The following IQSEC1 variants were observed in gnomAD, a reference collection of about 807,000 sequenced individuals.
IQSEC1 encodes IQ motif and Sec7 domain ArfGEF 1.
Under a neutral mutation model 91.0 loss-of-function variants are expected in IQSEC1, and 31 were observed. That is an observed-to-expected ratio of 0.34 (90% CI 0.26 to 0.46). The LOEUF (loss-of-function observed/expected upper bound fraction) is 0.46, where lower values mean the gene tolerates loss of function less well. IQSEC1 is among the 20% of genes least tolerant of loss of function. IQSEC1 has a pLI of 1.00. For synonymous variants in IQSEC1, 699 were observed against 662.6 expected (o/e 1.05, Z -0.84); for missense variants, 1,388 against 1,575.6 (o/e 0.88, Z 2.02).
At chr3:12,958,099 C>T (rs547442851) in intron 1 of IQSEC1, among the ~76,000 whole-genome samples, 4 of 152,210 alleles carry the variant, frequency 2.6e-5, no homozygotes, top group African/African-American at 9.7e-5. Context: ...GTTCTTACCT[C>T]TGTGGGGCCA....
chr3:13,256,595 C>T (rs560167431), intron 1 of IQSEC1, among the ~76,000 whole-genome samples: 2 of 152,172 alleles, frequency 1.3e-5, no homozygotes, highest in Non-Finnish European at 2.9e-5. Context: ...GCTGACCTCA[C>T]CAACCCCAAA....
intron 1 of IQSEC1, among the ~76,000 whole-genome samples, chr3:13,272,376 ACATT>A (rs1245123505): frequency 2.0e-5 from 3 of 152,234 alleles, no homozygotes; most frequent in Non-Finnish European, 4.4e-5. Flanking sequence ...TAGGTGAGAG[ACATT>A]CATTCGTACA....
chr3:12,996,943 T>C (rs1170913462), intron 1 of IQSEC1, among the ~76,000 whole-genome samples: 1 of 152,202 alleles, frequency 6.6e-6, no homozygotes, highest in Non-Finnish European at 1.5e-5. Context: ...AAAAATGCTG[T>C]AGGGTGAGGT....
At chr3:13,275,368 C>A (rs555381264) in intron 1 of IQSEC1, among the ~76,000 whole-genome samples, 58 of 152,312 alleles carry the variant, frequency 3.8e-4, no homozygotes, top group Non-Finnish European at 7.6e-4. Context: ...AGGGCAGGGG[C>A]CAGTCTTGTC....
intron 1 of IQSEC1, among the ~76,000 whole-genome samples, chr3:12,951,431 G>A (rs1576021783): frequency 1.3e-5 from 2 of 148,246 alleles, no homozygotes; most frequent in African/African-American, 2.5e-5. Context: ...GGGCAACAAA[G>A]TGAACCTCTA....
chr3:12,929,688 C>T (rs1041874178), intron 3 of IQSEC1, among the ~76,000 whole-genome samples: 6 of 152,174 alleles, frequency 3.9e-5, no homozygotes, highest in African/African-American at 9.7e-5. Flanking sequence ...TGTGTATACC[C>T]GTTACTCTTT....
intron 1 of IQSEC1, among the ~76,000 whole-genome samples, chr3:13,058,726 G>C (rs973691267): frequency 1.3e-5 from 2 of 152,220 alleles, no homozygotes; most frequent in African/African-American, 4.8e-5. Flanking sequence ...CCATGCATGA[G>C]AGGAAGGAGC....
chr3:13,026,276 T>A (rs894007852), intron 1 of IQSEC1, among the ~76,000 whole-genome samples: 4 of 152,050 alleles, frequency 2.6e-5, no homozygotes, highest in Non-Finnish European at 4.4e-5. Context: ...CTGGTTAGGG[T>A]TCCCCCCTTC....
chr3:13,281,467 T>TGGCCACGCACAGAGCC (rs1330124054), intron 1 of IQSEC1, among the ~76,000 whole-genome samples: 2 of 44,256 alleles, frequency 4.5e-5, no homozygotes, highest in Middle Eastern at 7.7e-3. Flanking sequence ...CAGAGCCATG[T>TGGCCACGCACAGAGCC]ATGTGTTCAC....
At chr3:13,017,738 G>A (rs569610375) in intron 1 of IQSEC1, among the ~76,000 whole-genome samples, 129 of 152,270 alleles carry the variant, frequency 8.5e-4, no homozygotes, top group African/African-American at 1.9e-3. Flanking sequence ...GATGGGAACC[G>A]AGGAGAGGGA....
At chr3:13,235,558 C>G (rs1010012480) in intron 1 of IQSEC1, among the ~76,000 whole-genome samples, 1 of 152,154 alleles carries the variant, frequency 6.6e-6, no homozygotes, top group African/African-American at 2.4e-5. Flanking sequence ...AGGTGCCCCT[C>G]TGAGACTGCT....
chr3:13,119,395 A>G (rs1314049556), intron 2 of IQSEC1, among the ~76,000 whole-genome samples: 2 of 152,348 alleles, frequency 1.3e-5, no homozygotes, highest in East Asian at 1.9e-4. Flanking sequence ...AGAAAGTTTG[A>G]TGATGAAGGA....
intron 1 of IQSEC1, among the ~76,000 whole-genome samples, chr3:13,181,624 TG>T (rs763314266): frequency 3.0e-4 from 45 of 152,308 alleles, no homozygotes; most frequent in Non-Finnish European, 6.2e-4. Flanking sequence ...TAGACAGACT[TG>T]TAGACAGATC....
chr3:12,975,953 C>T (rs764316005), intron 1 of IQSEC1, among the ~76,000 whole-genome samples: 5 of 152,254 alleles, frequency 3.3e-5, no homozygotes, highest in South Asian at 2.1e-4. Context: ...TGCCCCCCAA[C>T]GGCTGCAGAG....
chr3:13,203,032 G>A (rs1694273236), intron 1 of IQSEC1, among the ~76,000 whole-genome samples: 1 of 152,216 alleles, frequency 6.6e-6, no homozygotes, highest in Admixed American at 6.5e-5. Flanking sequence ...CCTCCACATA[G>A]TGCGTCACCC....
intron 1 of IQSEC1, among the ~76,000 whole-genome samples, chr3:13,220,717 A>G (rs1248129700): frequency 6.6e-6 from 1 of 152,094 alleles, no homozygotes; most frequent in Non-Finnish European, 1.5e-5. Flanking sequence ...GTGCACGTCG[A>G]CCCTTGCAGA....
intron 1 of IQSEC1, among the ~76,000 whole-genome samples, chr3:12,960,808 T>G (rs896464956): frequency 6.6e-6 from 1 of 152,196 alleles, no homozygotes; most frequent in African/African-American, 2.4e-5. Flanking sequence ...CAAAAACAGT[T>G]GAGGCTTTGC....
At chr3:13,177,627 C>A (rs1433240403) in intron 1 of IQSEC1, among the ~76,000 whole-genome samples, 1 of 152,196 alleles carries the variant, frequency 6.6e-6, no homozygotes, top group African/African-American at 2.4e-5. Flanking sequence ...TTTGTGTGGC[C>A]CCTGGGGGAG....
intron 1 of IQSEC1, among the ~76,000 whole-genome samples, chr3:13,224,943 T>C (rs1322606159): frequency 4.6e-5 from 7 of 152,242 alleles, no homozygotes; most frequent in Non-Finnish European, 7.3e-5. Flanking sequence ...CACTATGCTC[T>C]GTGAAGCCCA....
Sources: gnomAD v4.1 joint callset for allele counts (sites outside exome capture counted in the v4.1 genomes callset) on GRCh38, gnomAD v4.1.1 for gene constraint, MANE v1.5 for transcripts, NCBI Gene and HGNC (gene_info 2026-07-23, HGNC 2026-07-21) for gene names.